FLG2: variants seen among roughly 807,000 people sequenced by gnomAD.
FLG2 encodes the protein filaggrin 2, also known as filaggrin-2.
FLG2 carries 7 observed loss-of-function variants against 3.9 expected under a neutral mutation model. The ratio of observed to expected loss-of-function variants is 1.79; its 90% CI spans 1.02 to 3.36. The LOEUF (loss-of-function observed/expected upper bound fraction) is 3.36. FLG2 is among the 30% of genes most tolerant of loss of function. The pLI, the probability that FLG2 is intolerant of heterozygous loss-of-function variation, is 0.00. For missense variants in FLG2, 2,700 were observed against 2,809.4 expected, an observed-to-expected ratio of 0.96 and a Z score of 0.88; for synonymous variants, 1,031 against 1,056.1, an observed-to-expected ratio of 0.98 and a Z score of 0.46.
intron 1 of FLG2, among the ~76,000 whole-genome samples, chr1:152,359,193 A>G (rs987602587): frequency 1.3e-5 from 2 of 152,284 alleles, no homozygotes; most frequent in African/African-American, 4.8e-5. Context: ...TCTACATAGT[A>G]TCTCTACACT....
chr1:152,358,106 C>G (rs1654316952), intron 2 of FLG2, among the ~76,000 whole-genome samples: 1 of 151,472 alleles, frequency 6.6e-6, no homozygotes, highest in African/African-American at 2.4e-5. Flanking sequence ...ACTGCAAGCT[C>G]TGCCTCCCAG....
In FLG2 at chr1:152,354,451, G is replaced by A; in HGVS notation, c.3335C>T (p.Ser1112Phe). 1 of 1,614,080 alleles carries A rather than the reference G, an allele frequency of 6.2e-7. No individual in the cohort carries two copies. Among genetic ancestry groups the A allele is most frequent in the Non-Finnish European group, 8.5e-7 (1 of 1,180,002 alleles). ...FGQHRPGSGQ[S>F]SGFGQYGSGS... ...CGATCCATATTGGCCAAAGCCAGAG[G>A]ACTGACCTGAGCCTGGCCTGTGTTG... Residue 1112 changes from serine to phenylalanine, a missense_variant, in exon 3 of 3, where the codon TCC becomes TTC. Ser to Phe is a radical substitution (Grantham distance 155). Coordinates refer to ENST00000388718, the MANE Select transcript of FLG2 (RefSeq NM_001014342.3).
In FLG2 at chr1:152,351,463, G is replaced by A; in HGVS notation, c.6323C>T (p.Ser2108Phe). ...AGRRGSGHSE[S>F]SDSEVHSGVS... is the part of the protein sequence containing the mutation. ...CCCTGAGTGCACTTCACTGTCACTGGACTCACTGTGGCCAGATCCCCTTCT... is the reference window on the plus strand; with the variant it reads ...CCCTGAGTGCACTTCACTGTCACTGAACTCACTGTGGCCAGATCCCCTTCT... Residue 2108 changes from serine (S) to phenylalanine (F), a missense_variant, in exon 3 of 3, where the codon TCC becomes TTC. Coordinates refer to ENST00000388718, the MANE Select transcript of FLG2 (RefSeq NM_001014342.3). 1.3e-6 allele frequency: 2 copies of A among 1,546,996 alleles called. No homozygotes were observed. The highest frequency in any genetic ancestry group is 4.9e-5 in the East Asian group (2 of 40,670).
Position 152,355,354 on chromosome 1 carries a change from C to T in FLG2, c.2432G>A (p.Gly811Glu). Residue 811 changes from glycine to glutamate, a missense_variant, in exon 3 of 3, where the codon GGA becomes GAA. Physicochemically the swap from Gly to Glu is moderately conservative, Grantham distance 98. Transcript: ENST00000388718. ...SSQSTGFGQYGSGSGQSAGFG... is the reference protein window; with the variant it reads ...SSQSTGFGQYESGSGQSAGFG... Reference sequence around the variant, plus strand: ...GCCAGCGGACTGACCTGAGCCTGATCCATATTGGCCAAAGCCAGTGGATTG... The same window carrying T: ...GCCAGCGGACTGACCTGAGCCTGATTCATATTGGCCAAAGCCAGTGGATTG... The T allele has an allele frequency of 6.2e-7, 1 of 1,613,474 alleles. No individual in the cohort carries two copies. The highest frequency in any genetic ancestry group is 8.5e-7 in the Non-Finnish European group (1 of 1,179,852).
At position 152,354,104 on chromosome 1, in the gene FLG2, A is replaced by T. The variant is rs150296305; in HGVS notation, c.3682T>A (p.Ser1228Thr). Residue 1228 changes from serine to threonine, a missense_variant, in exon 3 of 3, where the codon TCA becomes ACA. Coordinates refer to ENST00000388718, the MANE Select transcript of FLG2 (RefSeq NM_001014342.3). ...TGTCTCCCATGAACTGTGGATCCTG[A>T]CTCTACTTGTTGAGATTCACCCTGG... is the stretch of plus-strand genomic sequence containing the variant. The part of the protein sequence containing the change: ...LGQGESQQVE[S>T]GSTVHGRQET... 7 of 1,614,046 alleles carry T rather than the reference A, an allele frequency of 4.3e-6. No individual in the cohort carries two copies. Among genetic ancestry groups the T allele is most frequent in the Non-Finnish European group, 5.9e-6 (7 of 1,180,018 alleles).
At position 152,355,734 on chromosome 1, in the gene FLG2, A is replaced by G; in HGVS notation, c.2052T>C (p.His684=). ...GSGQSSGFGQ[H]ESRSGHSSYG... is the part of the protein sequence containing the mutation. ...AGCTAGAATGACCTGATCTAGACTC[A>G]TGTTGTCCAAAACCAGAGGATTGTC... The change falls in exon 3 of 3, where the codon CAT becomes CAC. Residue 684 remains histidine, a synonymous_variant. Coordinates refer to ENST00000388718, the MANE Select transcript of FLG2 (RefSeq NM_001014342.3). 1.2e-6 allele frequency: 2 copies of G among 1,613,870 alleles called. No individual in the cohort carries two copies. Among genetic ancestry groups the G allele is most frequent in the South Asian group, 2.2e-5 (2 of 91,060 alleles).
chr1:152,355,188 TCCCGAA>T lies in FLG2; in HGVS notation c.2592_2597del (p.Ser864_Gly866delinsArg), dbSNP rs866839231. 2 of 1,574,954 alleles carry T rather than the reference TCCCGAA, an allele frequency of 1.3e-6. No homozygotes were observed. The highest frequency in any genetic ancestry group is 8.6e-7 in the Non-Finnish European group (1 of 1,159,698). ...TGTGTTGTCCAAAGCCAGATGTCTG[TCCCGAA>T]CTTGACCCATGTTGACCATAGCCAG... On this transcript the variant is annotated inframe_deletion, in exon 3 of 3. Transcript: ENST00000388718.
Position 152,353,957 on chromosome 1 carries a change from C to T in FLG2, c.3829G>A (p.Asp1277Asn), listed in dbSNP as rs750410741. The T allele has an allele frequency of 5.6e-6, 9 of 1,614,100 alleles. No homozygotes were observed. Among genetic ancestry groups the T allele is most frequent in the Non-Finnish European group, 7.6e-6 (9 of 1,180,044 alleles). ...GAGACCTTTGAGTGCACTTCACTGT[C>T]ACTGTTCTCACTTTGGCTAGATCTT... ...RRRSSQSENS[D>N]SEVHSKVSHR... The change falls in exon 3 of 3, where the codon GAC (aspartate) becomes AAC (asparagine). Residue 1277 changes from aspartate to asparagine, a missense_variant. Asp to Asn is a conservative substitution (Grantham distance 23). Transcript: ENST00000388718.
chr1:152,349,727 T>C lies in FLG2; in HGVS notation c.*883A>G, dbSNP rs1392476568. ...ATATTCATAGAGTGGGGTGTTGCTA[T>C]CTAAGCAGAAGGAACCAGAGCCTGT... is the stretch of plus-strand genomic sequence containing the variant. On this transcript the variant is annotated 3_prime_UTR_variant, in exon 3 of 3. Coordinates refer to ENST00000388718, the MANE Select transcript of FLG2 (RefSeq NM_001014342.3). 1 of 152,652 alleles carries C rather than the reference T, an allele frequency of 6.6e-6. No individual in the cohort carries two copies. Among genetic ancestry groups the C allele is most frequent in the Non-Finnish European group, 1.5e-5 (1 of 68,050 alleles). The allele number at this position is 152,652 out of a possible 1,614,324, so 9.5% of individuals were successfully genotyped here.
rs761773696 is a variant in FLG2, at chr1:152,356,019, C to A, written c.1767G>T (p.Gln589His). The A allele has an allele frequency of 1.2e-6, 2 of 1,613,422 alleles. No individual in the cohort carries two copies. Among genetic ancestry groups the A allele is most frequent in the Non-Finnish European group, 1.7e-6 (2 of 1,179,848 alleles). Reference protein sequence around the residue: ...GFGQYGSGSGQSSGFGQHGSG... With the variant: ...GFGQYGSGSGHSSGFGQHGSG... Reference sequence around the variant, plus strand: ...ACCCATGTTGTCCAAAGCCAGAGGACTGACCTGAGCCCGATCCATATTGGC... The same window carrying A: ...ACCCATGTTGTCCAAAGCCAGAGGAATGACCTGAGCCCGATCCATATTGGC... Residue 589 changes from glutamine (Q) to histidine (H), a missense_variant, in exon 3 of 3, where the codon CAG becomes CAT. Coordinates refer to ENST00000388718, the MANE Select transcript of FLG2 (RefSeq NM_001014342.3).
rs547241345 is a variant in FLG2 at position 152,354,431 on chromosome 1, C to T, written c.3355G>A (p.Gly1119Arg). 2 of 1,614,102 alleles carry T rather than the reference C, an allele frequency of 1.2e-6. No individual in the cohort carries two copies. Among genetic ancestry groups the T allele is most frequent in the Admixed American group, 1.7e-5 (1 of 60,014 alleles). ...SGQSSGFGQY[G>R]SGSGQSSGFG... The stretch of plus-strand genomic sequence containing the variant: ...CCAGAAGACTGACCTGAGCCCGATC[C>T]ATATTGGCCAAAGCCAGAGGACTGA... The change falls in exon 3 of 3, where the codon GGA becomes AGA. Residue 1119 changes from glycine (G) to arginine (R), a missense_variant. Physicochemically the swap from Gly to Arg is moderately radical, Grantham distance 125. Coordinates refer to ENST00000388718, the MANE Select transcript of FLG2 (RefSeq NM_001014342.3).
intron 1 of FLG2, 115 bp from the exon 2 acceptor site, chr1:152,359,021 A>G (rs1654355441): frequency 3.1e-6 from 3 of 977,112 alleles, no homozygotes; most frequent in Middle Eastern, 2.7e-4. Flanking sequence ...TAAATCTCAA[A>G]ACGTAAGAAT....
In FLG2 at chr1:152,354,007, G is replaced by A. The variant is rs745332776; in HGVS notation, c.3779C>T (p.Thr1260Ile). Residue 1260 changes from threonine to isoleucine, a missense_variant, in exon 3 of 3, where the codon ACA (threonine) becomes ATA (isoleucine). By Grantham distance (89) the Thr-to-Ile change is moderately conservative (BLOSUM62 -1). Transcript: ENST00000388718. ...SQSGQGQSTQ[T>I]GSRVTRRRRS... ...TCGTCTTCTAGTTACCCTGGACCCT[G>A]TCTGTGTGGATTGTCCTTGACCAGA... 2 of 1,614,172 alleles carry A rather than the reference G, an allele frequency of 1.2e-6. No individual in the cohort carries two copies. The highest frequency in any genetic ancestry group is 8.5e-7 in the Non-Finnish European group (1 of 1,180,008).
In FLG2 at chr1:152,352,934, C is replaced by T. The variant is rs774027082; in HGVS notation, c.4852G>A (p.Gly1618Arg). Residue 1618 changes from glycine (G) to arginine (R), a missense_variant, in exon 3 of 3, where the codon GGA becomes AGA. By Grantham distance (125) the Gly-to-Arg change is moderately radical. Coordinates refer to ENST00000388718, the MANE Select transcript of FLG2 (RefSeq NM_001014342.3). ...EPEFTVHERH[G>R]TTHGQIGDTT... ...TCTCCTATCTGTCCATGAGTAGTTC[C>T]GTGTCTCTCATGAACTGTGAATTCT... is the stretch of plus-strand genomic sequence containing the variant. 2.5e-5 allele frequency: 41 copies of T among 1,609,220 alleles called. No homozygotes were observed. Among genetic ancestry groups the T allele is most frequent in the South Asian group, 5.5e-5 (5 of 90,864 alleles).
Position 152,351,209 on chromosome 1 carries a change from A to G in FLG2, c.6577T>C (p.Ser2193Pro). The change falls in exon 3 of 3, where the codon TCA (serine) becomes CCA (proline). Residue 2193 changes from serine to proline, a missense_variant. Coordinates refer to ENST00000388718, the MANE Select transcript of FLG2 (RefSeq NM_001014342.3). ...TGAGTGTGTCCTGAATGTGTGGGTG[A>G]GGCCTCTGAGTGCACTTCACTATCA... is the stretch of plus-strand genomic sequence containing the variant. ...SSDSEVHSEA[S>P]PTHSGHTHSQ... 6.2e-7 allele frequency: 1 copy of G among 1,613,198 alleles called. No homozygotes were observed. The highest frequency in any genetic ancestry group is 8.5e-7 in the Non-Finnish European group (1 of 1,179,910).
At chr1:152,359,748 A>G (rs1654381531) in intron 1 of FLG2, among the ~76,000 whole-genome samples, 1 of 152,214 alleles carries the variant, frequency 6.6e-6, no homozygotes, top group Non-Finnish European at 1.5e-5. Context: ...TCTTCTCCAT[A>G]AAAATGAACT....
At position 152,357,414 on chromosome 1, in the gene FLG2, T is replaced by A; in HGVS notation, c.372A>T (p.Gly124=). 1.9e-6 allele frequency: 3 copies of A among 1,614,196 alleles called. No homozygotes were observed. The highest frequency in any genetic ancestry group is 2.2e-5 in the South Asian group (2 of 91,076). ...ETEEDEEDTP[G]HKSGYRHSSW... ...TTGAATGTCTGTAACCTGATTTATGTCCTGGTGTATCCTCTTCATCCTCTT... is the reference window on the plus strand; with the variant it reads ...TTGAATGTCTGTAACCTGATTTATGACCTGGTGTATCCTCTTCATCCTCTT... The change falls in exon 3 of 3, where the codon GGA becomes GGT. Residue 124 remains glycine, a synonymous_variant. Coordinates refer to ENST00000388718, the MANE Select transcript of FLG2 (RefSeq NM_001014342.3).
At position 152,357,472 on chromosome 1, in the gene FLG2, C is replaced by T; in HGVS notation, c.314G>A (p.Gly105Asp). Reference protein sequence around the residue: ...KASGSKKHRRGHRHQEEESET... With the variant: ...KASGSKKHRRDHRHQEEESET... ...ACTTTCTTCTTCTTGGTGTCGGTGA[C>T]CACGCCTATGCTTCTTTGACCCTGA... Residue 105 changes from glycine to aspartate, a missense_variant, in exon 3 of 3, where the codon GGT (glycine) becomes GAT (aspartate). Transcript: ENST00000388718. 6.2e-7 allele frequency: 1 copy of T among 1,614,104 alleles called. No homozygotes were observed. Among genetic ancestry groups the T allele is most frequent in the Non-Finnish European group, 8.5e-7 (1 of 1,180,040 alleles).
chr1:152,356,491 T>A lies in FLG2; in HGVS notation c.1295A>T (p.His432Leu), dbSNP rs767845585. The change falls in exon 3 of 3, where the codon CAT becomes CTT. Residue 432 changes from histidine to leucine, a missense_variant. By Grantham distance (99) the His-to-Leu change is moderately conservative. Coordinates refer to ENST00000388718, the MANE Select transcript of FLG2 (RefSeq NM_001014342.3). ...AGAGGACTGACTCAAGCCTGTTCCA[T>A]GTTGTTCAAAGCTAGTAGACTGACT... ...GSSQSTSFEQ[H>L]GTGLSQSSGF... The A allele has an allele frequency of 6.2e-7, 1 of 1,614,258 alleles. No individual in the cohort carries two copies. The highest frequency in any genetic ancestry group is 1.1e-5 in the South Asian group (1 of 91,090).
Sources: gnomAD v4.1 joint callset for allele counts (sites outside exome capture counted in the v4.1 genomes callset) on GRCh38, gnomAD v4.1.1 for gene constraint, MANE v1.5 for transcripts, NCBI Gene and HGNC (gene_info 2026-07-23, HGNC 2026-07-21) for gene names.